RBFOX1: variants seen among roughly 807,000 people sequenced by gnomAD.
RBFOX1 encodes the protein RNA binding fox-1 homolog 1, also known as RNA binding protein fox-1 homolog 1.
Under a neutral mutation model 57.7 loss-of-function variants are expected in RBFOX1, and 8 were observed. The ratio of observed to expected loss-of-function variants is 0.14; its 90% CI spans 0.08 to 0.25. The LOEUF (loss-of-function observed/expected upper bound fraction) is 0.25. Among genes scored for constraint, RBFOX1 ranks in the 10% least tolerant of loss-of-function variants. The pLI is 1.00. For missense variants in RBFOX1, 611 were observed against 548.5 expected (o/e 1.11, Z -1.14); for synonymous variants, 326 against 222.4 (o/e 1.47, Z -4.15).
intron 2 of RBFOX1, among the ~76,000 whole-genome samples, chr16:6,417,412 CTTT>C (rs35363634): frequency 1.7e-5 from 2 of 116,134 alleles, no homozygotes. Context: ...AATGTGTTTA[CTTT>C]TTTTTTTTTT....
chr16:5,534,498 C>G (rs1479767032), intron 2 of RBFOX1, among the ~76,000 whole-genome samples: 5 of 152,144 alleles, frequency 3.3e-5, no homozygotes, highest in Admixed American at 6.5e-5. Context: ...TGGTGTAAAT[C>G]TAAGAGTCAA....
At chr16:5,836,499 A>T (rs940162654) in intron 3 of RBFOX1, among the ~76,000 whole-genome samples, 1 of 152,134 alleles carries the variant, frequency 6.6e-6, no homozygotes, top group Admixed American at 6.5e-5. Flanking sequence ...CTTCTTCTTT[A>T]GGAGCCATCC....
At chr16:6,859,165 G>GTATATATATATGTATATATACA (rs749806270) in intron 3 of RBFOX1, among the ~76,000 whole-genome samples, 1 of 54,032 alleles carries the variant, frequency 1.9e-5, no homozygotes, top group Non-Finnish European at 3.2e-5. Context: ...ATATATATAC[G>GTATATATATATGTATATATACA]TATATATATG....
chr16:6,251,523 G>A (rs549794881), intron 1 of RBFOX1, among the ~76,000 whole-genome samples: 1 of 152,034 alleles, frequency 6.6e-6, no homozygotes, highest in Admixed American at 6.6e-5. Flanking sequence ...TGGGTTTGGG[G>A]CTCTTTACAG....
At chr16:6,783,889 T>G (rs1022873878) in intron 3 of RBFOX1, among the ~76,000 whole-genome samples, 1 of 152,156 alleles carries the variant, frequency 6.6e-6, no homozygotes, top group African/African-American at 2.4e-5. Flanking sequence ...TCTCCACGTT[T>G]GAAGCATAAC....
intron 1 of RBFOX1, among the ~76,000 whole-genome samples, chr16:5,311,922 G>A (rs7195493): frequency 0.067 from 10,269 of 152,198 alleles, 1,144 homozygotes; most frequent in African/African-American, 0.23. Context: ...TTGTTACGGT[G>A]CTGTAATAAT....
intron 2 of RBFOX1, among the ~76,000 whole-genome samples, chr16:6,602,958 G>T (rs541142348): frequency 6.6e-6 from 1 of 152,048 alleles, no homozygotes; most frequent in East Asian, 1.9e-4. Context: ...GACTTGAGCC[G>T]GTGCTGTTAT....
intron 1 of RBFOX1, among the ~76,000 whole-genome samples, chr16:5,355,754 C>T (rs1477331660): frequency 6.6e-6 from 1 of 152,126 alleles, no homozygotes; most frequent in Non-Finnish European, 1.5e-5. Context: ...TGAGATGGTC[C>T]TGGATTTAGG....
chr16:6,736,324 C>G (rs897539324), intron 3 of RBFOX1, among the ~76,000 whole-genome samples: 1 of 152,250 alleles, frequency 6.6e-6, no homozygotes, highest in South Asian at 2.1e-4. Context: ...CTCTTCCCCC[C>G]AAGTCCCCAA....
chr16:7,405,731 T>C (rs2098329252), intron 4 of RBFOX1, among the ~76,000 whole-genome samples: 1 of 152,168 alleles, frequency 6.6e-6, no homozygotes. Context: ...AAGTGGACAG[T>C]AAGCTTGGAT....
chr16:6,488,771 T>C (rs1331309639), intron 2 of RBFOX1, among the ~76,000 whole-genome samples: 1 of 152,258 alleles, frequency 6.6e-6, no homozygotes, highest in East Asian at 1.9e-4. Context: ...TTGAAGACAG[T>C]TTTTGTGTCT....
chr16:6,806,369 A>G (rs555027783), intron 3 of RBFOX1, among the ~76,000 whole-genome samples: 1 of 152,316 alleles, frequency 6.6e-6, no homozygotes, highest in South Asian at 2.1e-4. Context: ...ATGGAATGAG[A>G]AACTGGTCTG....
intron 15 of RBFOX1, chr16:7,709,412 A>G (rs1484656649): frequency 7.8e-7 from 1 of 1,289,798 alleles, no homozygotes; most frequent in Non-Finnish European, 1.0e-6. Context: ...TGATAATTAA[A>G]TCCATCACTA....
intron 2 of RBFOX1, among the ~76,000 whole-genome samples, chr16:6,591,193 C>A (rs1459114341): frequency 1.3e-5 from 2 of 152,148 alleles, no homozygotes; most frequent in South Asian, 4.1e-4. Context: ...TGCCTGTAAT[C>A]CCAGTGCTTT....
chr16:6,257,783 C>T (rs1408676471), intron 1 of RBFOX1, among the ~76,000 whole-genome samples: 1 of 152,174 alleles, frequency 6.6e-6, no homozygotes, highest in East Asian at 1.9e-4. Flanking sequence ...CATAGTATTC[C>T]ATAATGGATA....
intron 3 of RBFOX1, among the ~76,000 whole-genome samples, chr16:5,669,877 G>C (rs2049964700): frequency 6.6e-6 from 1 of 152,158 alleles, no homozygotes; most frequent in South Asian, 2.1e-4. Context: ...CAAAAGATTT[G>C]TACATGAATG....
intron 4 of RBFOX1, among the ~76,000 whole-genome samples, chr16:7,363,511 A>T (rs867023400): frequency 6.6e-6 from 1 of 151,876 alleles, no homozygotes. Context: ...AAAAATAAGT[A>T]AAGGCCGGGA....
intron 3 of RBFOX1, among the ~76,000 whole-genome samples, chr16:5,835,109 T>C (rs188968968): frequency 1.1e-3 from 170 of 152,150 alleles, no homozygotes; most frequent in Non-Finnish European, 2.1e-3. Flanking sequence ...CACATCTGTG[T>C]CATTATATAG....
intron 4 of RBFOX1, among the ~76,000 whole-genome samples, chr16:7,373,479 G>A (rs9929460): frequency 2.0e-5 from 3 of 152,022 alleles, no homozygotes; most frequent in African/African-American, 7.2e-5. Flanking sequence ...GTTCTCTCCT[G>A]GCAGAATAGA....
Sources: allele counts gnomAD v4.1 joint callset (sites outside exome capture counted in the v4.1 genomes callset), GRCh38; gene constraint gnomAD v4.1.1; transcripts MANE v1.5; gene names NCBI Gene and HGNC (gene_info 2026-07-23, HGNC 2026-07-21).